CFAP74: variants seen among roughly 807,000 people sequenced by gnomAD.
CFAP74 encodes cilia- and flagella-associated protein 74.
A neutral mutation model predicts 188.9 loss-of-function variants in CFAP74; 124 were observed. The ratio of observed to expected loss-of-function variants is 0.66; its 90% confidence interval spans 0.57 to 0.76. The LOEUF (loss-of-function observed/expected upper bound fraction) is 0.76, where lower values mean the gene tolerates loss of function less well. CFAP74 is among the 30% of genes least tolerant of loss of function. The probability of loss-of-function intolerance (pLI) is 0.00; values close to 1 mark genes in which losing one functional copy is unlikely to be tolerated. For synonymous variants in CFAP74, 956 were observed against 916.7 expected (o/e 1.04, Z -0.77); for missense variants, 2,198 against 2,165.2 (o/e 1.02, Z -0.30).
At position 1,963,811 on chromosome 1, in the gene CFAP74, G is replaced by A; in HGVS notation, c.1632C>T (p.Tyr544=). The A allele has an allele frequency of 1.2e-6, 2 of 1,614,018 alleles. No individual in the cohort carries two copies. The highest frequency in any genetic ancestry group is 2.2e-5 in the East Asian group (1 of 44,884). The part of the protein sequence containing the change: ...KKKITLVNTT[Y]TINYCKLVGV... ...CCACCAGCTTGCAGTAGTTGATCGT[G>A]TAGGTGGTGTTTACCAACGTGATCT... Residue 544 remains tyrosine (Y), a synonymous_variant, in exon 14 of 39, where the codon TAC becomes TAT. Coordinates refer to ENST00000682832, the MANE Select transcript of CFAP74 (RefSeq NM_001304360.2).
intron 14 of CFAP74, among the ~76,000 whole-genome samples, chr1:1,960,383 C>T (rs924914603): frequency 2.0e-5 from 3 of 152,206 alleles, no homozygotes; most frequent in Non-Finnish European, 4.4e-5. Flanking sequence ...GACCGGGGCT[C>T]TAGGGCTTTG....
intron 1 of CFAP74, among the ~76,000 whole-genome samples, chr1:2,002,467 G>A (rs1452084388): frequency 6.6e-6 from 1 of 151,398 alleles, no homozygotes; most frequent in Non-Finnish European, 1.5e-5. Flanking sequence ...GATCATTTGA[G>A]ATCAGGAGTT....
intron 25 of CFAP74, 143 bp downstream of exon 25, chr1:1,938,712 T>C: frequency 1.0e-6 from 1 of 952,686 alleles, no homozygotes; most frequent in Non-Finnish European, 1.5e-6. Flanking sequence ...AGGTTCCTGC[T>C]GGCCGGCAGT....
At position 1,986,991 on chromosome 1, in the gene CFAP74, T is replaced by C; in HGVS notation, c.341A>G (p.Lys114Arg). The change falls in exon 5 of 39, where the codon AAG (lysine) becomes AGG (arginine). Residue 114 changes from lysine (K) to arginine (R), a missense_variant. Lys to Arg is a conservative substitution (Grantham distance 26). Transcript: ENST00000682832. ...ACRQRRDLID[K>R]QQEAVAAEIA... ...CTCGGCTGCCACAGCCTCCTGCTGC[T>C]TGTCGATCAGGTCCCGCCTCTGCCG... The C allele has an allele frequency of 6.2e-7, 1 of 1,601,568 alleles. No homozygotes were observed. The highest frequency in any genetic ancestry group is 8.5e-7 in the Non-Finnish European group (1 of 1,179,436).
chr1:1,924,189 CA>C (rs1166484277), intron 34 of CFAP74, among the ~76,000 whole-genome samples: 2 of 42,794 alleles, frequency 4.7e-5, no homozygotes, highest in Non-Finnish European at 4.9e-5. Flanking sequence ...AACTGCCCCC[CA>C]CCCAGCTCAC....
intron 25 of CFAP74, among the ~76,000 whole-genome samples, chr1:1,936,629 C>T (rs1652916723): frequency 6.6e-6 from 1 of 151,040 alleles, no homozygotes; most frequent in South Asian, 2.1e-4. Flanking sequence ...GAGAGCCGCG[C>T]ACAGTGGCTC....
chr1:1,941,372 C>T (rs1016111471), intron 22 of CFAP74, among the ~76,000 whole-genome samples: 2 of 152,198 alleles, frequency 1.3e-5, no homozygotes, highest in South Asian at 2.1e-4. Flanking sequence ...GGGCTGGGAT[C>T]GGACACAGGA....
intron 27 of CFAP74, 60 bp from the exon 28 acceptor site, chr1:1,927,806 C>CCCGTGGCT: frequency 6.6e-7 from 1 of 1,505,994 alleles, no homozygotes; most frequent in South Asian, 1.3e-5. Context: ...CCAGCTGTGC[C>CCCGTGGCT]CCGTGGCTCC....
At position 1,998,328 on chromosome 1, in the gene CFAP74, G is replaced by A. The variant is rs150001562; in HGVS notation, c.-20+5373C>T. On this transcript the variant is annotated intron_variant, in intron 1 of 38. Coordinates refer to ENST00000682832, the MANE Select transcript of CFAP74 (RefSeq NM_001304360.2). ...TATTGGGGTTGATGATGATTTTGTGGTTATGCTAAAAATGAGTTTCTATCT... is the reference window on the plus strand; with the variant it reads ...TATTGGGGTTGATGATGATTTTGTGATTATGCTAAAAATGAGTTTCTATCT... Among the ~76,000 whole-genome samples, 195 of 152,236 alleles carry A rather than the reference G, an allele frequency of 1.3e-3. 1 individual carries two copies. The highest frequency in any genetic ancestry group is 4.5e-3 in the African/African-American group (189 of 41,550).
At chr1:1,997,768 A>G (rs1228897733) in intron 1 of CFAP74, among the ~76,000 whole-genome samples, 2 of 152,216 alleles carry the variant, frequency 1.3e-5, no homozygotes, top group Non-Finnish European at 2.9e-5. Context: ...ACATAAAAAT[A>G]AATGGAACAA....
At chr1:1,964,783 C>A (rs1655343744) in intron 13 of CFAP74, 105 bp downstream of exon 13, 14 of 1,221,698 alleles carry the variant, frequency 1.1e-5, no homozygotes, top group Non-Finnish European at 1.5e-5. Flanking sequence ...GAGTGAGACT[C>A]CATCTCAAAA....
intron 25 of CFAP74, among the ~76,000 whole-genome samples, chr1:1,932,346 G>A (rs1311020817): frequency 6.7e-6 from 1 of 149,912 alleles, no homozygotes; most frequent in African/African-American, 2.5e-5. Flanking sequence ...GCAGTGAGCC[G>A]AGATCGCGCC....
Position 1,928,862 on chromosome 1 carries a change from G to A in CFAP74, c.3309C>T (p.Ala1103=). 6.5e-7 allele frequency: 1 copy of A among 1,535,636 alleles called. No homozygotes were observed. The highest frequency in any genetic ancestry group is 8.7e-7 in the Non-Finnish European group (1 of 1,146,686). The change falls in exon 27 of 39, where the codon GCC becomes GCT. Residue 1103 remains alanine (A), a synonymous_variant. Transcript: ENST00000682832. ...GCTTCTCGGGCAGCACTGGCCGGAAGGCCACCTGGACCAGGCACCTCTGAG... is the reference window on the plus strand; with the variant it reads ...GCTTCTCGGGCAGCACTGGCCGGAAAGCCACCTGGACCAGGCACCTCTGAG... ...WPGKRCLVQV[A]FRPVLPEKLI...
chr1:1,932,402 A>G (rs1652485477), intron 25 of CFAP74, among the ~76,000 whole-genome samples: 1 of 151,646 alleles, frequency 6.6e-6, no homozygotes, highest in African/African-American at 2.4e-5. Flanking sequence ...GTCTCAAAAA[A>G]AAAAAAAAAG....
chr1:1,937,050 C>T (rs1184495533), intron 25 of CFAP74, among the ~76,000 whole-genome samples: 1 of 152,188 alleles, frequency 6.6e-6, no homozygotes, highest in Non-Finnish European at 1.5e-5. Context: ...AACGGCGAAG[C>T]AAACTGGGAA....
At chr1:1,989,466 G>A (rs377172055) in intron 2 of CFAP74, among the ~76,000 whole-genome samples, 1 of 152,084 alleles carries the variant, frequency 6.6e-6, no homozygotes, top group Admixed American at 6.6e-5. Flanking sequence ...CATGACGTTC[G>A]GCGTAGTCAT....
intron 22 of CFAP74, among the ~76,000 whole-genome samples, 191 bp from the exon 23 acceptor site, chr1:1,940,594 C>A (rs934982256): frequency 6.6e-6 from 1 of 152,174 alleles, no homozygotes; most frequent in African/African-American, 2.4e-5. Context: ...CCTGTGGCCC[C>A]GTGAGGGCTC....
In CFAP74 at chr1:1,971,775, C is replaced by T. The variant is rs75613628; in HGVS notation, c.888+205G>A. Among the ~76,000 whole-genome samples the T allele has an allele frequency of 2.9e-3, 444 of 152,394 alleles. 13 individuals carry two copies. In the East Asian group the frequency reaches 0.07, roughly 24 times the overall value. On this transcript the variant is annotated intron_variant, in intron 9 of 38. Coordinates refer to ENST00000682832, the MANE Select transcript of CFAP74 (RefSeq NM_001304360.2). ...AGCAGGGCTGGGGTGCCTGCTCCTGCCTGACTCCAGTGCCTGGCCCTGACC... is the reference window on the plus strand; with the variant it reads ...AGCAGGGCTGGGGTGCCTGCTCCTGTCTGACTCCAGTGCCTGGCCCTGACC...
intron 4 of CFAP74, chr1:1,987,840 A>T (rs970358767): frequency 9.0e-6 from 3 of 332,328 alleles, no homozygotes; most frequent in African/African-American, 4.4e-5. Context: ...GCGCCCGGCC[A>T]TGACGGTCAC....
Sources: allele counts gnomAD v4.1 joint callset (sites outside exome capture counted in the v4.1 genomes callset), GRCh38; gene constraint gnomAD v4.1.1; transcripts MANE v1.5; gene names NCBI Gene and HGNC (gene_info 2026-07-23, HGNC 2026-07-21).